The following CDCP1 variants were observed in gnomAD, a reference collection of about 807,000 sequenced individuals.
CDCP1 encodes CUB domain-containing protein 1.
In CDCP1, 29 loss-of-function variants were observed where a neutral mutation model predicts 60.2. That is an observed-to-expected ratio of 0.48 (90% CI 0.36 to 0.66). The LOEUF is 0.66. CDCP1 is among the 30% of genes least tolerant of loss of function. CDCP1 has a pLI of 0.00. For missense variants in CDCP1, 876 were observed against 1,074.3 expected (o/e 0.82, Z 2.58); for synonymous variants, 387 against 431.1 (o/e 0.90, Z 1.27).
intron 4 of CDCP1, among the ~76,000 whole-genome samples, chr3:45,097,828 G>A (rs1360465237): frequency 3.3e-5 from 5 of 152,116 alleles, no homozygotes; most frequent in African/African-American, 4.8e-5. Context: ...TATTTTCCAC[G>A]TAAATTTTGA....
intron 4 of CDCP1, among the ~76,000 whole-genome samples, chr3:45,097,752 A>G (rs1226381972): frequency 1.3e-5 from 2 of 152,218 alleles, no homozygotes; most frequent in African/African-American, 2.4e-5. Context: ...TCAAATTAGT[A>G]GCACAATTAG....
In CDCP1 at chr3:45,108,865, GTA is replaced by G. The variant is rs57174113; in HGVS notation, c.1024+1606_1024+1607del. 4.3e-4 allele frequency among the ~76,000 whole-genome samples: 16 copies of G among 37,268 alleles called. 5 individuals carry two copies. Among genetic ancestry groups the G allele is most frequent in the South Asian group, 2.4e-3 (2 of 846 alleles). The allele number at this position is 37,268 out of a possible 152,430, so 24.4% of individuals were successfully genotyped here. A position where few individuals can be genotyped will look rare whatever the true frequency, so the allele number is the denominator to read the frequency against. ...TATGCATGTATACATATATATGCAT[GTA>G]TATATATATATGCATGTATACATAT... On this transcript the variant is annotated intron_variant, in intron 4 of 8. Coordinates refer to ENST00000296129, the MANE Select transcript of CDCP1 (RefSeq NM_022842.5).
chr3:45,127,400 G>T (rs770894816), intron 1 of CDCP1, among the ~76,000 whole-genome samples: 3 of 152,160 alleles, frequency 2.0e-5, no homozygotes, highest in African/African-American at 4.8e-5. Flanking sequence ...AGTTAATGTG[G>T]CTGAGTTAGT....
chr3:45,124,090 G>T lies in CDCP1; in HGVS notation c.83-5469C>A, dbSNP rs928462433. Among the ~76,000 whole-genome samples the T allele has an allele frequency of 2.6e-5, 4 of 152,116 alleles. No individual in the cohort carries two copies. In the South Asian group the frequency reaches 8.3e-4, roughly 32 times the overall value. Reference sequence around the variant, plus strand: ...CCTTCCTGGGCAGGCAGGGTTGGGGGAAGAATTTCCATTTGTTTTAATCAT... The same window carrying T: ...CCTTCCTGGGCAGGCAGGGTTGGGGTAAGAATTTCCATTTGTTTTAATCAT... On this transcript the variant is annotated intron_variant, in intron 1 of 8. Transcript: ENST00000296129.
At chr3:45,122,610 G>A (rs1471567927) in intron 1 of CDCP1, among the ~76,000 whole-genome samples, 2 of 150,996 alleles carry the variant, frequency 1.3e-5, no homozygotes, top group Non-Finnish European at 1.5e-5. Context: ...GTGCCACCAC[G>A]CCTGGCTAAT....
At chr3:45,109,805 T>C (rs1698657453) in intron 4 of CDCP1, among the ~76,000 whole-genome samples, 1 of 152,058 alleles carries the variant, frequency 6.6e-6, no homozygotes, top group Admixed American at 6.5e-5. Context: ...ACTCCGCTTT[T>C]CTATGTTCAT....
chr3:45,107,626 C>T (rs1324767058), intron 4 of CDCP1, among the ~76,000 whole-genome samples: 5 of 152,116 alleles, frequency 3.3e-5, no homozygotes, highest in East Asian at 3.9e-4. Context: ...CACAACACCC[C>T]GATGAGGACA....
At chr3:45,128,252 G>C (rs1474344928) in intron 1 of CDCP1, among the ~76,000 whole-genome samples, 1 of 152,240 alleles carries the variant, frequency 6.6e-6, no homozygotes, top group Non-Finnish European at 1.5e-5. Flanking sequence ...GAGGGAGTAG[G>C]ACAAGGGCAT....
intron 4 of CDCP1, among the ~76,000 whole-genome samples, chr3:45,107,298 C>T (rs969430575): frequency 1.3e-5 from 2 of 152,170 alleles, no homozygotes; most frequent in Middle Eastern, 3.4e-3. Flanking sequence ...CCTCCACCTC[C>T]CGGGTTCAAG....
intron 4 of CDCP1, 31 bp downstream of exon 4, chr3:45,110,442 A>C (rs575163495): frequency 1.2e-6 from 2 of 1,608,028 alleles, no homozygotes; most frequent in South Asian, 2.2e-5. Flanking sequence ...GTGCTGGAGG[A>C]GGAAGAAAAA....
At chr3:45,125,280 T>C (rs930031142) in intron 1 of CDCP1, among the ~76,000 whole-genome samples, 2 of 152,284 alleles carry the variant, frequency 1.3e-5, no homozygotes, top group South Asian at 4.1e-4. Context: ...GGAAAGGGCT[T>C]GGTTGTTGGC....
intron 4 of CDCP1, among the ~76,000 whole-genome samples, chr3:45,098,105 C>T (rs1464692588): frequency 1.3e-5 from 2 of 152,104 alleles, no homozygotes. Context: ...CCACACACTG[C>T]AGTGGTCTCC....
intron 4 of CDCP1, among the ~76,000 whole-genome samples, chr3:45,108,714 T>C (rs1396482392): frequency 7.1e-6 from 1 of 141,086 alleles, no homozygotes; most frequent in Non-Finnish European, 1.6e-5. Context: ...CATATATATA[T>C]GCATGTATAC....
chr3:45,085,736 G>A lies in CDCP1; in HGVS notation c.2413C>T (p.Pro805Ser), dbSNP rs780624809. 3 of 1,614,162 alleles carry A rather than the reference G, an allele frequency of 1.9e-6. No homozygotes were observed. Among genetic ancestry groups the A allele is most frequent in the South Asian group, 1.1e-5 (1 of 91,080 alleles). ...TTGTTGGGATGGGAGAAGGTGTACG[G>A]TTCACTCTCAGACTCAGGAGGGGAG... The part of the protein sequence containing the change: ...PRSPPESESE[P>S]YTFSHPNNGD... The change falls in exon 9 of 9, where the codon CCG becomes TCG. Residue 805 changes from proline (P) to serine (S), a missense_variant. Pro to Ser is a moderately conservative substitution (Grantham distance 74). This residue lies in a region of CDCP1 where 726 missense variants were observed against 935.7 expected (regional missense o/e 0.78). Coordinates refer to ENST00000296129, the MANE Select transcript of CDCP1 (RefSeq NM_022842.5). This position sits in a 1 kb window ranked among gnomAD's most constrained non-coding sequence, Gnocchi z 4.2.
At position 45,093,339 on chromosome 3, in the gene CDCP1, G is replaced by C; in HGVS notation, c.1565C>G (p.Pro522Arg). 1.2e-6 allele frequency: 2 copies of C among 1,614,172 alleles called. No homozygotes were observed. The highest frequency in any genetic ancestry group is 1.7e-6 in the Non-Finnish European group (2 of 1,180,016). The change falls in exon 6 of 9, where the codon CCC becomes CGC. Residue 522 changes from proline (P) to arginine (R), a missense_variant. Transcript: ENST00000296129. ...CCTGGAGGCCTCTTGTTGGAAGCTG[G>C]GGGCAAAGGTGCGAAGGGTCACCGA... Reference protein sequence around the residue: ...NISVTLRTFAPSFQQEASRQG... With the variant: ...NISVTLRTFARSFQQEASRQG...
At chr3:45,094,942 G>GTT (rs529897093) in intron 5 of CDCP1, among the ~76,000 whole-genome samples, 14 of 138,454 alleles carry the variant, frequency 1.0e-4, no homozygotes, top group East Asian at 2.1e-4. Flanking sequence ...TGTGGGTGGG[G>GTT]TTTTTTTTTT....
At chr3:45,145,316 C>T (rs1699358948) in intron 1 of CDCP1, among the ~76,000 whole-genome samples, 1 of 152,178 alleles carries the variant, frequency 6.6e-6, no homozygotes, top group Non-Finnish European at 1.5e-5. Context: ...AAAACCTGTA[C>T]TAATCTCGCG....
At chr3:45,094,023 GT>G (rs1343645638) in intron 5 of CDCP1, among the ~76,000 whole-genome samples, 1 of 152,158 alleles carries the variant, frequency 6.6e-6, no homozygotes, top group East Asian at 1.9e-4. Flanking sequence ...TCAGGAGGCA[GT>G]TCTGGGCAGT....
At chr3:45,097,868 A>C (rs1004418477) in intron 4 of CDCP1, among the ~76,000 whole-genome samples, 11 of 152,236 alleles carry the variant, frequency 7.2e-5, no homozygotes, top group Admixed American at 4.6e-4. Flanking sequence ...TTAATTAGAG[A>C]GATGCCATGT....
Sources: allele counts gnomAD v4.1 joint callset (sites outside exome capture counted in the v4.1 genomes callset), GRCh38; gene constraint gnomAD v4.1.1; regional missense constraint gnomAD v4.1.1; non-coding constraint Gnocchi (gnomAD v3.1); transcripts MANE v1.5; gene names NCBI Gene and HGNC (gene_info 2026-07-23, HGNC 2026-07-21).